CEP85L: variants seen among roughly 807,000 people sequenced by gnomAD.
The protein encoded by CEP85L is centrosomal protein of 85 kDa-like.
In CEP85L, 60 loss-of-function variants were observed where a neutral mutation model predicts 100.3. The ratio of observed to expected loss-of-function variants is 0.60; its 90% CI spans 0.49 to 0.74. CEP85L has a LOEUF of 0.74. CEP85L is among the 30% of genes least tolerant of loss of function. The pLI is 0.00. For synonymous variants in CEP85L, 319 were observed against 322.7 expected (o/e 0.99, Z 0.12); for missense variants, 973 against 936.2 (o/e 1.04, Z -0.51).
intron 1 of CEP85L, among the ~76,000 whole-genome samples, chr6:118,702,295 G>C (rs774018936): frequency 3.3e-5 from 5 of 151,852 alleles, no homozygotes; most frequent in Non-Finnish European, 5.9e-5. Context: ...AGGATTGCTT[G>C]AGCCCAGGAG....
chr6:118,699,385 G>A (rs1397686087), intron 1 of CEP85L, among the ~76,000 whole-genome samples: 2 of 151,004 alleles, frequency 1.3e-5, no homozygotes, highest in Non-Finnish European at 2.9e-5. Flanking sequence ...AGCCCAGGAG[G>A]TCAAGGCTGT....
chr6:118,471,755 T>C (rs191729554), intron 10 of CEP85L, among the ~76,000 whole-genome samples: 1 of 149,308 alleles, frequency 6.7e-6, no homozygotes, highest in East Asian at 1.9e-4. Flanking sequence ...TTGTTTTATA[T>C]TCCACAAAAA....
chr6:118,528,199 C>T (rs999895803), intron 3 of CEP85L, among the ~76,000 whole-genome samples: 10 of 149,218 alleles, frequency 6.7e-5, no homozygotes, highest in Middle Eastern at 3.4e-3. Flanking sequence ...AAGAAAGTGG[C>T]TTTTCTTTTC....
chr6:118,653,610 TTTTTG>T (rs1161947070), upstream of CEP85L, among the ~76,000 whole-genome samples: 1 of 152,172 alleles, frequency 6.6e-6, no homozygotes, highest in African/African-American at 2.4e-5. Context: ...AACTGCCATA[TTTTTG>T]TTTTGTTGTG....
At chr6:118,594,721 T>C (rs1350462032) in intron 2 of CEP85L, among the ~76,000 whole-genome samples, 1 of 151,202 alleles carries the variant, frequency 6.6e-6, no homozygotes, top group East Asian at 1.9e-4. Flanking sequence ...CCGGGTGTGG[T>C]GGCAGGCGCC....
chr6:118,706,898 T>G (rs1333107451), intron 1 of CEP85L, among the ~76,000 whole-genome samples: 1 of 152,194 alleles, frequency 6.6e-6, no homozygotes. Context: ...TCTTTCCCTA[T>G]TAGTGTCCTC....
At chr6:118,577,242 G>A (rs192429798) in intron 2 of CEP85L, among the ~76,000 whole-genome samples, 1 of 152,238 alleles carries the variant, frequency 6.6e-6, no homozygotes, top group South Asian at 2.1e-4. Flanking sequence ...GTCTGCCCTT[G>A]TTCATCCCCA....
intron 3 of CEP85L, among the ~76,000 whole-genome samples, chr6:118,532,140 C>A (rs916675253): frequency 6.6e-6 from 1 of 152,016 alleles, no homozygotes; most frequent in Admixed American, 6.6e-5. Flanking sequence ...AAATGTGGTA[C>A]TATGTATATA....
At chr6:118,566,545 G>T (rs1008187110) in intron 2 of CEP85L, among the ~76,000 whole-genome samples, 1 of 151,994 alleles carries the variant, frequency 6.6e-6, no homozygotes, top group African/African-American at 2.4e-5. Flanking sequence ...AGCCTCCCGA[G>T]TAGCAGGGAT....
intron 1 of CEP85L, among the ~76,000 whole-genome samples, chr6:118,668,419 G>A (rs1360958113): frequency 6.6e-6 from 1 of 152,200 alleles, no homozygotes; most frequent in African/African-American, 2.4e-5. Context: ...ATGCTCTTTT[G>A]TTTAATAAAG....
At chr6:118,616,728 C>T (rs1773074177) in intron 2 of CEP85L, among the ~76,000 whole-genome samples, 1 of 151,308 alleles carries the variant, frequency 6.6e-6, no homozygotes, top group African/African-American at 2.4e-5. Flanking sequence ...AGGTGGATCA[C>T]AAGGTCAGGA....
chr6:118,534,206 AT>A (rs1001826025), intron 3 of CEP85L, among the ~76,000 whole-genome samples: 1 of 152,106 alleles, frequency 6.6e-6, no homozygotes, highest in African/African-American at 2.4e-5. Context: ...TTCAGGGTCA[AT>A]TTTTTTTAAA....
intron 1 of CEP85L, among the ~76,000 whole-genome samples, chr6:118,698,988 A>G (rs1407585828): frequency 2.6e-5 from 4 of 152,162 alleles, no homozygotes; most frequent in African/African-American, 7.2e-5. Flanking sequence ...TATTTTTACT[A>G]ATAATATGCC....
At chr6:118,494,334 G>A (rs963179019) in intron 5 of CEP85L, among the ~76,000 whole-genome samples, 2 of 152,108 alleles carry the variant, frequency 1.3e-5, no homozygotes, top group Non-Finnish European at 2.9e-5. Context: ...CAGGGGGAGG[G>A]GAAAAGGAAC....
At chr6:118,672,406 G>A (rs1263233334) in intron 1 of CEP85L, among the ~76,000 whole-genome samples, 1 of 151,986 alleles carries the variant, frequency 6.6e-6, no homozygotes, top group Admixed American at 6.6e-5. Context: ...TATTGACTAT[G>A]TACTCAGATG....
In CEP85L at chr6:118,566,048, G is replaced by T. The variant is rs780250993; in HGVS notation, c.501C>A (p.Asn167Lys). ...TGCATACAGTGCCACCCTGGCCACA[G>T]TTATCCGGGGCAGTGAGTTTGGATA... ...SSLSKLTAPDNCGQGGTVCRE... is the reference protein window; with the variant it reads ...SSLSKLTAPDKCGQGGTVCRE... Residue 167 changes from asparagine (N) to lysine (K), a missense_variant, in exon 3 of 13, where the codon AAC becomes AAA. Around this residue, in one of 3 missense-constraint regions of CEP85L, gnomAD observed 890 missense variants for 844.5 expected, o/e 1.05. Coordinates refer to ENST00000368491, the MANE Select transcript of CEP85L (RefSeq NM_001042475.3). 1 of 1,614,210 alleles carries T rather than the reference G, an allele frequency of 6.2e-7. No individual in the cohort carries two copies. The highest frequency in any genetic ancestry group is 1.1e-5 in the South Asian group (1 of 91,086).
intron 5 of CEP85L, among the ~76,000 whole-genome samples, chr6:118,498,036 T>G (rs1775030580): frequency 6.6e-6 from 1 of 152,204 alleles, no homozygotes; most frequent in African/African-American, 2.4e-5. Flanking sequence ...TATATGGTAC[T>G]TATCATAAGG....
chr6:118,502,728 A>C, intron 5 of CEP85L: 2 of 507,544 alleles, frequency 3.9e-6, no homozygotes. Flanking sequence ...CCCTCATACA[A>C]AGAAATGCAT....
intron 2 of CEP85L, among the ~76,000 whole-genome samples, chr6:118,575,334 C>T: frequency 6.6e-6 from 1 of 152,076 alleles, no homozygotes; most frequent in East Asian, 1.9e-4. Context: ...AACCAAAGAA[C>T]CTACTCTCAA....
Sources: allele counts gnomAD v4.1 joint callset (sites outside exome capture counted in the v4.1 genomes callset), GRCh38; gene constraint gnomAD v4.1.1; regional missense constraint gnomAD v4.1.1; transcripts MANE v1.5; gene names NCBI Gene and HGNC (gene_info 2026-07-23, HGNC 2026-07-21).